The following GPAM variants were observed in gnomAD, a reference collection of about 807,000 sequenced individuals.
The protein encoded by GPAM is glycerol-3-phosphate acyltransferase 1, mitochondrial.
GPAM carries 56 observed loss-of-function variants against 105.0 expected under a neutral mutation model. The ratio of observed to expected loss-of-function variants is 0.53; its 90% CI spans 0.43 to 0.67. GPAM has a LOEUF of 0.67. Ranked by LOEUF, GPAM falls within the 30% of genes least tolerant of loss-of-function variation. The pLI, the probability that GPAM is intolerant of heterozygous loss-of-function variation, is 0.00. For synonymous variants in GPAM, 368 were observed against 354.4 expected, an observed-to-expected ratio of 1.04 and a Z score of -0.43; for missense variants, 855 against 989.8, an observed-to-expected ratio of 0.86 and a Z score of 1.83.
At chr10:112,200,238 TATATATAGAG>T (rs1564689798) in intron 1 of GPAM, among the ~76,000 whole-genome samples, 1 of 129,782 alleles carries the variant, frequency 7.7e-6, no homozygotes, top group African/African-American at 3.1e-5. Flanking sequence ...TATATATATA[TATATATAGAG>T]AGAGAGAGAG....
Position 112,160,714 on chromosome 10 carries a change from C to T in GPAM, c.1649G>A (p.Ser550Asn), listed in dbSNP as rs1292532536. Residue 550 changes from serine (S) to asparagine (N), a missense_variant, in exon 16 of 22, where the codon AGC becomes AAC. Transcript: ENST00000348367. ...GGTGATAAAAAACTCATCGTTCCTG[C>T]TAGTGTGGGTGATTGTGACACAATT... is the stretch of plus-strand genomic sequence containing the variant. ...LGNCVTITHT[S>N]RNDEFFITPS... The T allele has an allele frequency of 1.2e-6, 2 of 1,614,004 alleles. No homozygotes were observed. Among genetic ancestry groups the T allele is most frequent in the Non-Finnish European group, 1.7e-6 (2 of 1,179,906 alleles).
At chr10:112,223,829 C>A in the GPAM span, among the ~76,000 whole-genome samples, 3 of 152,156 alleles carry the variant, frequency 2.0e-5, no homozygotes, top group African/African-American at 7.2e-5. Flanking sequence ...AAATTCTATT[C>A]AAATAAAAAC....
chr10:112,168,508 A>G lies in GPAM; in HGVS notation c.911T>C (p.Leu304Pro), dbSNP rs1342200280. 1 of 1,607,696 alleles carries G rather than the reference A, an allele frequency of 6.2e-7. No individual in the cohort carries two copies. The highest frequency in any genetic ancestry group is 8.5e-7 in the Non-Finnish European group (1 of 1,174,148). The change falls in exon 11 of 22, where the codon CTT becomes CCT. Residue 304 changes from leucine to proline, a missense_variant. Leu to Pro is a moderately conservative substitution (Grantham distance 98, BLOSUM62 -3). Coordinates refer to ENST00000348367, the MANE Select transcript of GPAM (RefSeq NM_001244949.2). ...ALLHGHIVELLRQQQFLEIFL... is the reference protein window; with the variant it reads ...ALLHGHIVELPRQQQFLEIFL... ...GATCTCCAAGAATTGCTGCTGTCGA[A>G]GTAATTCAACTATATGCTGGGATAT...
chr10:112,168,636 G>T, intron 10 of GPAM, 112 bp from the exon 11 acceptor site: 1 of 780,880 alleles, frequency 1.3e-6, no homozygotes, highest in Non-Finnish European at 2.2e-6. Flanking sequence ...CTTCACTACT[G>T]ACAAAGTATC....
At chr10:112,221,642 T>G in the GPAM span, among the ~76,000 whole-genome samples, 3 of 152,134 alleles carry the variant, frequency 2.0e-5, no homozygotes, top group Non-Finnish European at 2.9e-5. Flanking sequence ...ATACTTCAAC[T>G]TAGGTTTTAA....
the GPAM span, among the ~76,000 whole-genome samples, chr10:112,220,809 C>T: frequency 6.6e-6 from 1 of 151,674 alleles, no homozygotes; most frequent in Admixed American, 6.6e-5. Context: ...CTAAACCCAT[C>T]TTTGATTTGG....
upstream of GPAM, among the ~76,000 whole-genome samples, chr10:112,217,031 A>T (rs1368295041): frequency 6.6e-6 from 1 of 152,180 alleles, no homozygotes; most frequent in East Asian, 1.9e-4. Context: ...CAATTTACCC[A>T]TTTAAAGCGT....
At chr10:112,221,526 G>T in the GPAM span, among the ~76,000 whole-genome samples, 1 of 152,170 alleles carries the variant, frequency 6.6e-6, no homozygotes, top group Non-Finnish European at 1.5e-5. Context: ...TAATTATGAT[G>T]CCCACTCAAA....
At chr10:112,214,876 G>T (rs1164322003) in intron 1 of GPAM, among the ~76,000 whole-genome samples, 3 of 152,208 alleles carry the variant, frequency 2.0e-5, no homozygotes, top group African/African-American at 7.2e-5. Context: ...GGCCAAAAGA[G>T]TAGCAAAAAC....
chr10:112,226,982 G>A, the GPAM span, among the ~76,000 whole-genome samples: 6 of 152,088 alleles, frequency 3.9e-5, no homozygotes, highest in African/African-American at 7.2e-5. Context: ...CCTGGACCCC[G>A]GACATGTTCC....
rs753424425 is a variant in GPAM at position 112,160,767 on chromosome 10, T to C, written c.1596A>G (p.Val532=). 8 of 1,613,974 alleles carry C rather than the reference T, an allele frequency of 5.0e-6. No homozygotes were observed. Among genetic ancestry groups the C allele is most frequent in the Admixed American group, 1.7e-5 (1 of 60,008 alleles). The change falls in exon 16 of 22, where the codon GTA becomes GTG. Residue 532 remains valine (V), a synonymous_variant. Transcript: ENST00000348367. ...CCAGCAGCTGTATGGCATGCATTAC[T>C]ACATCTTCTGAATTTCCTGAGAACC... ...DLGFSGNSED[V]VMHAIQLLGN... is the part of the protein sequence containing the mutation.
chr10:112,213,689 G>A (rs1266276849), intron 1 of GPAM, among the ~76,000 whole-genome samples: 5 of 152,162 alleles, frequency 3.3e-5, no homozygotes, highest in Admixed American at 2.6e-4. Flanking sequence ...CTCCTGACTT[G>A]GTCAGACCCA....
At chr10:112,203,380 T>A (rs1847821376) in intron 1 of GPAM, among the ~76,000 whole-genome samples, 1 of 152,198 alleles carries the variant, frequency 6.6e-6, no homozygotes, top group Non-Finnish European at 1.5e-5. Context: ...GGGCCATAAA[T>A]GTTTGAGCAG....
At position 112,166,489 on chromosome 10, in the gene GPAM, C is replaced by T. The variant is rs752445276; in HGVS notation, c.1134G>A (p.Leu378=). Residue 378 remains leucine (L), a synonymous_variant, in exon 12 of 22, where the codon CTG becomes CTA. Coordinates refer to ENST00000348367, the MANE Select transcript of GPAM (RefSeq NM_001244949.2). Reference sequence around the variant, plus strand: ...TAATAACACCTCTTGCTACACTCCACAGGCTCTCATTCTTCTTAGGTTTGC... The same window carrying T: ...TAATAACACCTCTTGCTACACTCCATAGGCTCTCATTCTTCTTAGGTTTGC... The part of the protein sequence containing the change: ...QLGKPKKNES[L]WSVARGVIRM... 1.2e-6 allele frequency: 2 copies of T among 1,609,450 alleles called. No homozygotes were observed. Among genetic ancestry groups the T allele is most frequent in the South Asian group, 2.2e-5 (2 of 91,000 alleles).
intron 5 of GPAM, among the ~76,000 whole-genome samples, chr10:112,176,755 C>T (rs561287079): frequency 5.3e-5 from 8 of 152,232 alleles, no homozygotes; most frequent in East Asian, 3.9e-4. Flanking sequence ...TGTGTGTGTG[C>T]GCACATGTGC....
At chr10:112,213,702 G>A (rs1847937997) in intron 1 of GPAM, among the ~76,000 whole-genome samples, 1 of 152,174 alleles carries the variant, frequency 6.6e-6, no homozygotes, top group Non-Finnish European at 1.5e-5. Context: ...CAGACCCAGA[G>A]GCAGGGTAGG....
chr10:112,161,127 A>G (rs1185848830), intron 15 of GPAM, among the ~76,000 whole-genome samples: 2 of 152,198 alleles, frequency 1.3e-5, no homozygotes. Flanking sequence ...TAAGATCACA[A>G]GGGGGAGGAA....
At chr10:112,201,585 T>C (rs1847797580) in intron 1 of GPAM, among the ~76,000 whole-genome samples, 1 of 152,210 alleles carries the variant, frequency 6.6e-6, no homozygotes, top group Admixed American at 6.5e-5. Context: ...TCCCAGGACA[T>C]TCCTTCTGCA....
intron 19 of GPAM, chr10:112,156,578 A>G (rs1847021774): frequency 5.5e-6 from 1 of 183,122 alleles, no homozygotes; most frequent in South Asian, 1.2e-4. Context: ...AGAGGCTCTC[A>G]CTGTACCTAC....
Sources: allele counts gnomAD v4.1 joint callset (sites outside exome capture counted in the v4.1 genomes callset), GRCh38; gene constraint gnomAD v4.1.1; transcripts MANE v1.5; gene names NCBI Gene and HGNC (gene_info 2026-07-23, HGNC 2026-07-21).